Variants in EFCAB6 observed in about 807,000 individuals in gnomAD.
EFCAB6 encodes the protein EF-hand calcium binding domain 6.
EFCAB6 carries 156 observed loss-of-function variants against 169.8 expected under a neutral mutation model. That is an observed-to-expected ratio of 0.92 (90% CI 0.81 to 1.05). The LOEUF is 1.05. EFCAB6 is among the 50% of genes least tolerant of loss of function. The pLI, the probability that EFCAB6 is intolerant of heterozygous loss-of-function variation, is 0.00. For missense variants in EFCAB6, 1,800 were observed against 1,829.1 expected, an observed-to-expected ratio of 0.98 and a Z score of 0.29; for synonymous variants, 698 against 676.4, an observed-to-expected ratio of 1.03 and a Z score of -0.50.
At chr22:43,577,163 T>G (rs953468642) in intron 25 of EFCAB6, among the ~76,000 whole-genome samples, 4 of 152,078 alleles carry the variant, frequency 2.6e-5, no homozygotes, top group Admixed American at 6.5e-5. Flanking sequence ...TACAGTAGAG[T>G]AGTTAAACTG....
At chr22:43,779,386 C>T (rs2061739835) in intron 3 of EFCAB6, among the ~76,000 whole-genome samples, 1 of 152,152 alleles carries the variant, frequency 6.6e-6, no homozygotes, top group East Asian at 1.9e-4. Context: ...AGCCCAACTG[C>T]TGATGATACC....
At chr22:43,554,321 G>C (rs1380034778) in intron 27 of EFCAB6, 1 of 153,856 alleles carries the variant, frequency 6.5e-6, no homozygotes, top group African/African-American at 2.4e-5. Flanking sequence ...TGCAACCTTG[G>C]TGTTTCCAGT....
chr22:43,600,930 T>TG (rs1414334875), intron 22 of EFCAB6, among the ~76,000 whole-genome samples: 1 of 152,166 alleles, frequency 6.6e-6, no homozygotes, highest in African/African-American at 2.4e-5. Flanking sequence ...CCCAAAGTAC[T>TG]GGGATTACAG....
chr22:43,564,551 G>A (rs1457099111), intron 26 of EFCAB6, among the ~76,000 whole-genome samples: 2 of 152,202 alleles, frequency 1.3e-5, no homozygotes, highest in African/African-American at 4.8e-5. Context: ...GTGTGGCGGG[G>A]AAAGCTCTAA....
chr22:43,548,539 CAAAAAAAAAAAA>C (rs397868076), intron 27 of EFCAB6, among the ~76,000 whole-genome samples: 4 of 36,730 alleles, frequency 1.1e-4, no homozygotes, highest in African/African-American at 3.3e-4. Flanking sequence ...GAATCCATCT[CAAAAAAAAAAAA>C]AAAAAAAAAA....
At chr22:43,737,755 G>A in intron 6 of EFCAB6, among the ~76,000 whole-genome samples, 1 of 120,038 alleles carries the variant, frequency 8.3e-6, no homozygotes, top group Non-Finnish European at 1.8e-5. Flanking sequence ...ACAGATACAG[G>A]CATACACACC....
chr22:43,564,175 C>G (rs974568215), intron 26 of EFCAB6, among the ~76,000 whole-genome samples: 2 of 152,124 alleles, frequency 1.3e-5, no homozygotes, highest in African/African-American at 2.4e-5. Flanking sequence ...TGGCCAGGCA[C>G]GGTAGCTCAC....
chr22:43,639,160 G>A (rs2055633754), intron 17 of EFCAB6, among the ~76,000 whole-genome samples: 1 of 152,122 alleles, frequency 6.6e-6, no homozygotes, highest in African/African-American at 2.4e-5. Flanking sequence ...ATATTCCTAT[G>A]CGGTTTTTAA....
intron 8 of EFCAB6, among the ~76,000 whole-genome samples, chr22:43,730,575 T>C (rs1234657916): frequency 6.6e-6 from 1 of 152,138 alleles, no homozygotes; most frequent in African/African-American, 2.4e-5. Flanking sequence ...ACAGCATCTA[T>C]ATAAACCCAT....
intron 8 of EFCAB6, among the ~76,000 whole-genome samples, chr22:43,729,913 C>A (rs2059874838): frequency 6.6e-6 from 1 of 151,894 alleles, no homozygotes; most frequent in South Asian, 2.1e-4. Context: ...AATCCCAGCT[C>A]TTTGGGACTG....
intron 20 of EFCAB6, among the ~76,000 whole-genome samples, chr22:43,616,682 A>T (rs2053710702): frequency 6.6e-6 from 1 of 152,150 alleles, no homozygotes; most frequent in South Asian, 2.1e-4. Context: ...AATAAAAATG[A>T]TCAAAATTCT....
chr22:43,645,907 C>A (rs1302740520), intron 17 of EFCAB6, among the ~76,000 whole-genome samples: 1 of 152,054 alleles, frequency 6.6e-6, no homozygotes, highest in African/African-American at 2.4e-5. Flanking sequence ...ACATGACCAC[C>A]TTTCAATGTC....
chr22:43,740,264 C>G (rs1471085230), intron 6 of EFCAB6, among the ~76,000 whole-genome samples: 1 of 152,188 alleles, frequency 6.6e-6, no homozygotes, highest in Non-Finnish European at 1.5e-5. Context: ...GGCATCACCT[C>G]CTTTTGTCTT....
At chr22:43,695,906 G>A (rs2058560547) in intron 10 of EFCAB6, among the ~76,000 whole-genome samples, 1 of 151,958 alleles carries the variant, frequency 6.6e-6, no homozygotes, top group African/African-American at 2.4e-5. Context: ...ACTAGGTTAG[G>A]CAAAGATTTC....
chr22:43,805,110 C>T lies in EFCAB6; in HGVS notation c.-8+3885G>A, dbSNP rs145453302. 5.2e-3 allele frequency among the ~76,000 whole-genome samples: 792 copies of T among 152,280 alleles called. 11 individuals are homozygous for T. Among genetic ancestry groups the T allele is most frequent in the African/African-American group, 0.018 (754 of 41,548 alleles). The stretch of plus-strand genomic sequence containing the variant: ...GAAAAAGAAAGCAAGGAAGCAAACC[C>T]ATTTACAATAGCTATAGAGAATATA... On this transcript the variant is annotated intron_variant, in intron 2 of 31. Transcript: ENST00000262726.
intron 27 of EFCAB6, among the ~76,000 whole-genome samples, chr22:43,542,871 A>T (rs962350055): frequency 3.9e-5 from 6 of 152,190 alleles, no homozygotes; most frequent in Non-Finnish European, 4.4e-5. Context: ...CGTGGGCAAG[A>T]CGCTGCTGGA....
chr22:43,727,086 C>A (rs1043298865), intron 8 of EFCAB6, among the ~76,000 whole-genome samples: 1 of 152,046 alleles, frequency 6.6e-6, no homozygotes, highest in African/African-American at 2.4e-5. Flanking sequence ...AGTTTTAAAA[C>A]CCAAACCCTG....
rs538800138 is a variant in EFCAB6, at chr22:43,628,483, C to T, written c.2233-1804G>A. On this transcript the variant is annotated intron_variant, in intron 19 of 31. Transcript: ENST00000262726. The surrounding 1 kb of genome is among the most constrained non-coding windows in gnomAD (Gnocchi z 4.8). ...TCTGCTCTGTGCAATCGCTCCCGAGCGATCCCTTACAGCTGACGTCATGCA... is the reference window on the plus strand; with the variant it reads ...TCTGCTCTGTGCAATCGCTCCCGAGTGATCCCTTACAGCTGACGTCATGCA... Among the ~76,000 whole-genome samples, 3 of 152,282 alleles carry T rather than the reference C, an allele frequency of 2.0e-5. No individual in the cohort carries two copies. Among genetic ancestry groups the T allele is most frequent in the Admixed American group, 6.5e-5 (1 of 15,310 alleles).
At chr22:43,779,469 C>T (rs1470258555) in intron 3 of EFCAB6, among the ~76,000 whole-genome samples, 6 of 152,280 alleles carry the variant, frequency 3.9e-5, no homozygotes, top group African/African-American at 1.4e-4. Context: ...ATGCCGGGCA[C>T]GGTGGCTCAT....
Sources: allele counts gnomAD v4.1 joint callset (sites outside exome capture counted in the v4.1 genomes callset), GRCh38; gene constraint gnomAD v4.1.1; non-coding constraint Gnocchi (gnomAD v3.1); transcripts MANE v1.5; gene names NCBI Gene and HGNC (gene_info 2026-07-23, HGNC 2026-07-21).